Variants in RRAS2 observed in about 807,000 individuals in gnomAD.
RRAS2 encodes RAS related 2, also known as ras-related protein R-Ras2.
In RRAS2, 7 loss-of-function variants were observed where a neutral mutation model predicts 27.6. The observed-to-expected ratio is 0.25, with a 90% CI of 0.14 to 0.48. The LOEUF (loss-of-function observed/expected upper bound fraction) is 0.48. Among genes scored for constraint, RRAS2 ranks in the 20% least tolerant of loss-of-function variants. RRAS2 has a pLI of 0.99. For synonymous variants in RRAS2, 86 were observed against 90.9 expected (o/e 0.95, Z 0.31); for missense variants, 178 against 256.2 (o/e 0.69, Z 2.08).
intron 1 of RRAS2, among the ~76,000 whole-genome samples, chr11:14,335,459 A>C (rs781829998): frequency 6.6e-6 from 1 of 152,248 alleles, no homozygotes; most frequent in Middle Eastern, 3.2e-3. Flanking sequence ...GATGAATGAC[A>C]AAATGACTTG....
Position 14,359,002 on chromosome 11 carries a change from C to A in RRAS2, c.-132G>T, listed in dbSNP as rs1338397250. ...GGCTGGGGTCCCGGGTACCGGGAGGCGTCTGGAGGGCCGGTCAGCGCGGTA... is the reference window on the plus strand; with the variant it reads ...GGCTGGGGTCCCGGGTACCGGGAGGAGTCTGGAGGGCCGGTCAGCGCGGTA... On this transcript the variant is annotated 5_prime_UTR_variant, in exon 1 of 6. Transcript: ENST00000256196. The A allele has an allele frequency of 8.8e-7, 1 of 1,137,908 alleles. No homozygotes were observed. Among genetic ancestry groups the A allele is most frequent in the African/African-American group, 1.6e-5 (1 of 60,780 alleles). The allele number at this position is 1,137,908 out of a possible 1,614,324, so 70.5% of individuals were successfully genotyped here.
chr11:14,280,979 C>T (rs1305015236), intron 5 of RRAS2, among the ~76,000 whole-genome samples: 1 of 152,164 alleles, frequency 6.6e-6, no homozygotes, highest in Non-Finnish European at 1.5e-5. Context: ...ACTTTTTAAA[C>T]CAAAAGGCCC....
chr11:14,307,954 T>C (rs551055676), intron 1 of RRAS2, among the ~76,000 whole-genome samples: 64 of 152,326 alleles, frequency 4.2e-4, no homozygotes, highest in African/African-American at 1.5e-3. Context: ...TGTACAAGGT[T>C]GTTCATAGTG....
chr11:14,329,612 G>A lies in RRAS2; in HGVS notation c.108+29151C>T, dbSNP rs193287022. ...CCCTCAACACCTGGATCTGATTCCT[G>A]CAGTAAACAGCAAAAACATACCTTT... On this transcript the variant is annotated intron_variant, in intron 1 of 5. Coordinates refer to ENST00000256196, the MANE Select transcript of RRAS2 (RefSeq NM_012250.6). Among the ~76,000 whole-genome samples the A allele has an allele frequency of 1.5e-4, 23 of 152,286 alleles. No homozygotes were observed. The East Asian group carries it at 4.2e-3, about 28-fold the overall frequency.
At chr11:14,362,368 G>A (rs527301724), upstream of RRAS2, among the ~76,000 whole-genome samples, 3 of 151,652 alleles carry the variant, frequency 2.0e-5, no homozygotes, top group Admixed American at 6.6e-5. Context: ...TGACTCAAAC[G>A]TAGTATTCAG....
chr11:14,346,422 A>T (rs1233429078), intron 1 of RRAS2, among the ~76,000 whole-genome samples: 3 of 152,250 alleles, frequency 2.0e-5, no homozygotes, highest in Non-Finnish European at 4.4e-5. Context: ...TTCCAATGAT[A>T]AGAGAATGCT....
chr11:14,348,033 C>A (rs1848874928), intron 1 of RRAS2, among the ~76,000 whole-genome samples: 1 of 152,120 alleles, frequency 6.6e-6, no homozygotes, highest in African/African-American at 2.4e-5. Flanking sequence ...AATTTATCAA[C>A]CTTTCCCTCC....
chr11:14,329,020 TA>T (rs1848429126), intron 1 of RRAS2, among the ~76,000 whole-genome samples: 1 of 148,640 alleles, frequency 6.7e-6, no homozygotes. Flanking sequence ...TGTATATATA[TA>T]TATATATACA....
chr11:14,301,579 C>T (rs1847706580), intron 1 of RRAS2, among the ~76,000 whole-genome samples: 1 of 152,178 alleles, frequency 6.6e-6, no homozygotes, highest in Admixed American at 6.5e-5. Flanking sequence ...GTAAAGTGAC[C>T]TGCTTAGTGC....
chr11:14,353,709 GA>G (rs1849014476), intron 1 of RRAS2, among the ~76,000 whole-genome samples: 1 of 151,834 alleles, frequency 6.6e-6, no homozygotes, highest in South Asian at 2.1e-4. Flanking sequence ...GAAAGAGAAT[GA>G]ACAAAACAAG....
chr11:14,362,365 A>G (rs1254191336), upstream of RRAS2, among the ~76,000 whole-genome samples: 1 of 151,962 alleles, frequency 6.6e-6, no homozygotes, highest in Non-Finnish European at 1.5e-5. Context: ...ATTTGACTCA[A>G]ACGTAGTATT....
intron 1 of RRAS2, among the ~76,000 whole-genome samples, chr11:14,343,859 A>AAAATT (rs1229044183): frequency 2.0e-5 from 3 of 151,668 alleles, no homozygotes; most frequent in African/African-American, 7.3e-5. Flanking sequence ...AAAATAAAAT[A>AAAATT]AAACAAAAAT....
rs1029948832 is a variant in RRAS2, at chr11:14,358,278, C to G, written c.108+485G>C. On this transcript the variant is annotated intron_variant, in intron 1 of 5. Transcript: ENST00000256196. The surrounding 1 kb of genome is among the most constrained non-coding windows in gnomAD (Gnocchi z 5.1). ...GTACTTGAAGCGGGCAGCTCCGGCT[C>G]AGGCGGCGCGGGGAAGCCCGGAGAC... The G allele has an allele frequency of 1.0e-6, 1 of 985,532 alleles. No homozygotes were observed. Among genetic ancestry groups the G allele is most frequent in the South Asian group, 4.7e-5 (1 of 21,292 alleles). 61.0% of individuals were successfully genotyped at this position (985,532 alleles called of 1,614,324 possible). A position where few individuals can be genotyped will look rare whatever the true frequency, so the allele number is the denominator to read the frequency against.
chr11:14,312,462 C>T (rs995581650), intron 1 of RRAS2, among the ~76,000 whole-genome samples: 3 of 152,112 alleles, frequency 2.0e-5, no homozygotes, highest in Non-Finnish European at 2.9e-5. Flanking sequence ...CTCTGTTGCC[C>T]GCACTGAAGT....
intron 1 of RRAS2, among the ~76,000 whole-genome samples, chr11:14,307,382 G>A (rs922814197): frequency 6.6e-6 from 1 of 152,010 alleles, no homozygotes; most frequent in East Asian, 1.9e-4. Flanking sequence ...CAAGACAACC[G>A]TATTGGTAAG....
intron 1 of RRAS2, among the ~76,000 whole-genome samples, chr11:14,313,040 A>G (rs1457602013): frequency 6.6e-6 from 1 of 152,244 alleles, no homozygotes; most frequent in East Asian, 1.9e-4. Flanking sequence ...TTTTTATAAA[A>G]TATCTTATGG....
chr11:14,311,876 T>C (rs1363863016), intron 1 of RRAS2, among the ~76,000 whole-genome samples: 3 of 151,942 alleles, frequency 2.0e-5, no homozygotes, highest in Non-Finnish European at 2.9e-5. Context: ...ACTTTTTTTT[T>C]TTTCTTGAGA....
intron 1 of RRAS2, 84 bp from the exon 2 acceptor site, chr11:14,295,939 G>C: frequency 8.0e-7 from 1 of 1,244,302 alleles, no homozygotes; most frequent in Non-Finnish European, 1.1e-6. Context: ...CTGGGAGGCC[G>C]AGGGAGAAGG....
intron 1 of RRAS2, among the ~76,000 whole-genome samples, chr11:14,347,776 C>T (rs1564982435): frequency 6.6e-6 from 1 of 152,034 alleles, no homozygotes; most frequent in Non-Finnish European, 1.5e-5. Context: ...GTCATCACAC[C>T]ACTACACTAC....
Sources: allele counts gnomAD v4.1 joint callset (sites outside exome capture counted in the v4.1 genomes callset), GRCh38; gene constraint gnomAD v4.1.1; non-coding constraint Gnocchi (gnomAD v3.1); transcripts MANE v1.5; gene names NCBI Gene and HGNC (gene_info 2026-07-23, HGNC 2026-07-21).